CDH12: variants seen among roughly 807,000 people sequenced by gnomAD.
The protein encoded by CDH12 is cadherin-12.
A neutral mutation model predicts 74.1 loss-of-function variants in CDH12; 41 were observed. That is an observed-to-expected ratio of 0.55 (90% CI 0.43 to 0.72). The LOEUF is 0.72. Ranked by LOEUF, CDH12 falls within the 30% of genes least tolerant of loss-of-function variation. CDH12 has a pLI of 0.00. For synonymous variants in CDH12, 399 were observed against 355.0 expected (o/e 1.12, Z -1.39); for missense variants, 945 against 977.2 (o/e 0.97, Z 0.44).
intron 1 of CDH12, among the ~76,000 whole-genome samples, chr5:22,666,444 T>C (rs969476138): frequency 4.9e-4 from 75 of 151,844 alleles, no homozygotes; most frequent in African/African-American, 1.7e-3. Flanking sequence ...CGCCCGCCAC[T>C]ACGCCCGGCT....
chr5:22,758,634 A>G (rs186889722), intron 1 of CDH12, among the ~76,000 whole-genome samples: 18 of 152,294 alleles, frequency 1.2e-4, no homozygotes, highest in Admixed American at 1.2e-3. Flanking sequence ...CGCAGCATTA[A>G]CAGAGCAAAG....
chr5:22,661,615 C>T (rs1197848391), intron 1 of CDH12, among the ~76,000 whole-genome samples: 1 of 151,930 alleles, frequency 6.6e-6, no homozygotes, highest in African/African-American at 2.4e-5. Context: ...AAGATTTTTA[C>T]CATAAAAATA....
intron 3 of CDH12, among the ~76,000 whole-genome samples, chr5:22,307,149 A>G (rs980737906): frequency 6.6e-6 from 1 of 152,074 alleles, no homozygotes; most frequent in African/African-American, 2.4e-5. Flanking sequence ...CTTTAATGAG[A>G]TTTTCAGCCT....
chr5:21,933,916 A>G (rs1483687958), intron 6 of CDH12, among the ~76,000 whole-genome samples: 1 of 152,218 alleles, frequency 6.6e-6, no homozygotes, highest in Admixed American at 6.5e-5. Context: ...AGATAAAACT[A>G]ACAGAAAGCA....
At chr5:22,383,295 T>C (rs2126390997) in intron 3 of CDH12, among the ~76,000 whole-genome samples, 1 of 152,274 alleles carries the variant, frequency 6.6e-6, no homozygotes, top group Middle Eastern at 3.4e-3. Context: ...ATTAGGGAAA[T>C]ATCATTAGAA....
chr5:21,880,616 C>CTTTCTTTCT (rs1752256319), intron 6 of CDH12, among the ~76,000 whole-genome samples: 2 of 50,862 alleles, frequency 3.9e-5, no homozygotes, highest in Non-Finnish European at 7.2e-5. Context: ...TCCTTCCTTC[C>CTTTCTTTCT]TTCTTTCTTT....
At chr5:22,818,620 C>A (rs764914548) in intron 1 of CDH12, among the ~76,000 whole-genome samples, 5 of 152,200 alleles carry the variant, frequency 3.3e-5, no homozygotes, top group Admixed American at 1.3e-4. Context: ...AATGATTCTG[C>A]TTAAGTATGT....
chr5:21,821,215 T>G (rs1027930264), intron 8 of CDH12, among the ~76,000 whole-genome samples: 1 of 151,706 alleles, frequency 6.6e-6, no homozygotes. Context: ...GTAGGGGACA[T>G]GCATTGCTAC....
At chr5:22,564,980 T>C (rs1363819169) in intron 1 of CDH12, among the ~76,000 whole-genome samples, 2 of 152,154 alleles carry the variant, frequency 1.3e-5, no homozygotes, top group African/African-American at 2.4e-5. Context: ...CTCTGTCACC[T>C]GGCTGGAGTG....
At chr5:21,802,108 T>C in intron 10 of CDH12, 59 bp downstream of exon 10, 1 of 1,504,936 alleles carries the variant, frequency 6.6e-7, no homozygotes, top group Non-Finnish European at 9.1e-7. Flanking sequence ...TCTCTGGTTT[T>C]TGTTCTTGTT....
rs187724743 is a variant in CDH12, at chr5:22,724,542, G to A, written c.-523+128516C>T. On this transcript the variant is annotated intron_variant, in intron 1 of 14. Transcript: ENST00000382254. ...AATAATCACCTCCAGCTCCATTTCA[G>A]TTGCTGCAAAAGACATTATTTCATT... Among the ~76,000 whole-genome samples, 277 of 151,958 alleles carry A rather than the reference G, an allele frequency of 1.8e-3. 4 individuals carry two copies. The highest frequency in any genetic ancestry group is 0.017 in the Middle Eastern group (5 of 294).
chr5:22,152,518 T>G (rs1313442941), intron 4 of CDH12, among the ~76,000 whole-genome samples: 1 of 152,136 alleles, frequency 6.6e-6, no homozygotes, highest in Non-Finnish European at 1.5e-5. Flanking sequence ...AGATAAAATT[T>G]TATGTATTTA....
At chr5:22,697,522 A>G (rs2126953514) in intron 1 of CDH12, among the ~76,000 whole-genome samples, 1 of 148,222 alleles carries the variant, frequency 6.7e-6, no homozygotes, top group East Asian at 2.0e-4. Context: ...CAGTGAGCCG[A>G]GATAGCACCA....
intron 5 of CDH12, among the ~76,000 whole-genome samples, chr5:22,020,752 C>G (rs1580123584): frequency 6.6e-6 from 1 of 152,066 alleles, no homozygotes; most frequent in African/African-American, 2.4e-5. Context: ...GTTATCCCCC[C>G]TCTCATGACT....
intron 6 of CDH12, among the ~76,000 whole-genome samples, chr5:21,943,346 A>T (rs921311029): frequency 6.6e-6 from 1 of 152,232 alleles, no homozygotes; most frequent in East Asian, 1.9e-4. Flanking sequence ...TTACATTTAT[A>T]TAACATTGAA....
At chr5:22,544,848 T>C (rs767910129) in intron 1 of CDH12, among the ~76,000 whole-genome samples, 6 of 151,934 alleles carry the variant, frequency 3.9e-5, no homozygotes, top group Non-Finnish European at 7.4e-5. Context: ...GGACATATTA[T>C]TAAAGGTCAC....
chr5:22,071,321 A>G (rs1266677799), intron 5 of CDH12, among the ~76,000 whole-genome samples: 1 of 152,086 alleles, frequency 6.6e-6, no homozygotes. Context: ...TCCTTCATTT[A>G]TGCTTTTGAA....
intron 1 of CDH12, among the ~76,000 whole-genome samples, chr5:22,788,610 T>C (rs1747759161): frequency 6.7e-6 from 1 of 148,160 alleles, no homozygotes; most frequent in Non-Finnish European, 1.5e-5. Context: ...ATACATGAAA[T>C]ATATTAATAA....
chr5:21,975,224 A>C lies in CDH12; in HGVS notation c.393T>G (p.Ala131=), dbSNP rs1194139884. 2.5e-6 allele frequency: 4 copies of C among 1,597,334 alleles called. No homozygotes were observed. The Admixed American group carries it at 6.7e-5, about 27-fold the overall frequency. ...EKPFYTLRAQ[A]VDIETRKPLE... ...GGGGCTTTCTGGTTTCTATGTCCACAGCCTGAGCACGAAGAGTGTAGAAAG... is the reference window on the plus strand; with the variant it reads ...GGGGCTTTCTGGTTTCTATGTCCACCGCCTGAGCACGAAGAGTGTAGAAAG... The change falls in exon 6 of 15, where the codon GCT becomes GCG. Residue 131 remains alanine (A), a synonymous_variant. Coordinates refer to ENST00000382254, the MANE Select transcript of CDH12 (RefSeq NM_004061.5).
Sources: gnomAD v4.1 joint callset for allele counts (sites outside exome capture counted in the v4.1 genomes callset) on GRCh38, gnomAD v4.1.1 for gene constraint, MANE v1.5 for transcripts, NCBI Gene and HGNC (gene_info 2026-07-23, HGNC 2026-07-21) for gene names.